Variants in MEMO1 observed in about 807,000 individuals in gnomAD.
MEMO1 encodes the protein mediator of cell motility 1.
In MEMO1, 6 loss-of-function variants were observed where a neutral mutation model predicts 45.2. That is an observed-to-expected ratio of 0.13 (90% CI 0.07 to 0.26). The LOEUF (loss-of-function observed/expected upper bound fraction) is 0.26. MEMO1 is among the 10% of genes least tolerant of loss of function. MEMO1 has a pLI of 1.00. For missense variants in MEMO1, 184 were observed against 370.5 expected, an observed-to-expected ratio of 0.50 and a Z score of 4.13; for synonymous variants, 78 against 124.3, an observed-to-expected ratio of 0.63 and a Z score of 2.48.
chr2:31,880,735 G>C (rs976925365), intron 8 of MEMO1, among the ~76,000 whole-genome samples: 7 of 152,288 alleles, frequency 4.6e-5, no homozygotes, highest in African/African-American at 1.7e-4. Flanking sequence ...TAGAGAGCAA[G>C]TTAGAGCTGT....
intron 2 of MEMO1, chr2:31,963,076 T>C: frequency 7.4e-7 from 1 of 1,360,258 alleles, no homozygotes; most frequent in Non-Finnish European, 9.6e-7. Context: ...ATACTGGCTC[T>C]TCCTAAGTCT....
At chr2:31,976,754 T>C (rs529177675) in intron 2 of MEMO1, among the ~76,000 whole-genome samples, 5 of 152,298 alleles carry the variant, frequency 3.3e-5, no homozygotes, top group East Asian at 1.9e-4. Flanking sequence ...GAGTCTTTCA[T>C]TTCCTGATGA....
At chr2:31,924,547 T>C (rs1284360898) in intron 4 of MEMO1, among the ~76,000 whole-genome samples, 1 of 152,004 alleles carries the variant, frequency 6.6e-6, no homozygotes, top group Non-Finnish European at 1.5e-5. Context: ...ATAGCTATAA[T>C]AGAGAATTCA....
At chr2:32,000,646 G>A (rs568154295) in intron 2 of MEMO1, among the ~76,000 whole-genome samples, 3 of 152,188 alleles carry the variant, frequency 2.0e-5, no homozygotes, top group Non-Finnish European at 2.9e-5. Flanking sequence ...GATTACAAGC[G>A]TGAGCCACCG....
Position 31,971,529 on chromosome 2 carries a change from C to A in MEMO1, c.62-28146G>T, listed in dbSNP as rs186872836. On this transcript the variant is annotated intron_variant, in intron 2 of 9. Coordinates refer to ENST00000404530, the MANE Select transcript of MEMO1 (RefSeq NM_001301833.4). ...ATAGGCATGAGTCCCCGTGCCCAGCCTAAACCCTTTATTTTTTATTATTAT... is the reference window on the plus strand; with the variant it reads ...ATAGGCATGAGTCCCCGTGCCCAGCATAAACCCTTTATTTTTTATTATTAT... Among the ~76,000 whole-genome samples, 5 of 152,228 alleles carry A rather than the reference C, an allele frequency of 3.3e-5. No individual in the cohort carries two copies. In the East Asian group the frequency reaches 9.6e-4, roughly 29 times the overall value.
intron 2 of MEMO1, among the ~76,000 whole-genome samples, chr2:31,948,701 T>A (rs1185112454): frequency 6.6e-6 from 1 of 152,128 alleles, no homozygotes; most frequent in East Asian, 1.9e-4. Context: ...CAGATTGAGA[T>A]CAGCTTGGCC....
intron 6 of MEMO1, among the ~76,000 whole-genome samples, chr2:31,901,470 C>T (rs1035945769): frequency 2.1e-5 from 3 of 146,222 alleles, no homozygotes; most frequent in Non-Finnish European, 4.5e-5. Flanking sequence ...GAAAAATAGA[C>T]TACATTTTGT....
intron 4 of MEMO1, among the ~76,000 whole-genome samples, chr2:31,930,884 C>G (rs1664085980): frequency 6.7e-6 from 1 of 149,866 alleles, no homozygotes; most frequent in Non-Finnish European, 1.5e-5. Context: ...GTCTCAAACT[C>G]CTGACCTCAG....
intron 8 of MEMO1, among the ~76,000 whole-genome samples, chr2:31,876,252 C>T (rs571395523): frequency 2.2e-4 from 34 of 152,158 alleles, no homozygotes; most frequent in Non-Finnish European, 4.0e-4. Flanking sequence ...GGTCTTTGCA[C>T]TGGCAACTTC....
At position 31,869,839 on chromosome 2, in the gene MEMO1, G is replaced by T; in HGVS notation, c.762+9C>A. On this transcript the variant is annotated intron_variant, in intron 9 of 9. Coordinates refer to ENST00000404530, the MANE Select transcript of MEMO1 (RefSeq NM_001301833.4). ...ATGTTAAAAGTCAAGGCTTCCTAAG[G>T]ATACTCACATTTAATAACACCCCAA... 2.6e-6 allele frequency: 4 copies of T among 1,568,384 alleles called. No homozygotes were observed. The highest frequency in any genetic ancestry group is 1.4e-5 in the African/African-American group (1 of 71,612).
At chr2:31,958,167 A>G (rs1029092679) in intron 2 of MEMO1, among the ~76,000 whole-genome samples, 3 of 152,046 alleles carry the variant, frequency 2.0e-5, no homozygotes, top group Non-Finnish European at 1.5e-5. Flanking sequence ...TTGATAAATT[A>G]GGGGGAAAAC....
At chr2:32,002,539 T>G (rs1320732085) in intron 2 of MEMO1, among the ~76,000 whole-genome samples, 1 of 152,006 alleles carries the variant, frequency 6.6e-6, no homozygotes, top group African/African-American at 2.4e-5. Context: ...TTCCCATACC[T>G]TCCTGCCCCT....
chr2:31,910,225 C>G (rs1680347674), intron 6 of MEMO1, among the ~76,000 whole-genome samples: 1 of 152,008 alleles, frequency 6.6e-6, no homozygotes, highest in South Asian at 2.1e-4. Context: ...GGGAGTTTGT[C>G]AATTTAGACA....
intron 2 of MEMO1, among the ~76,000 whole-genome samples, chr2:31,946,056 A>G (rs1666159586): frequency 6.6e-6 from 1 of 152,186 alleles, no homozygotes; most frequent in African/African-American, 2.4e-5. Context: ...TTAAAAACTG[A>G]AATTGTTTCC....
intron 2 of MEMO1, among the ~76,000 whole-genome samples, chr2:31,978,505 G>C (rs1371378876): frequency 2.6e-5 from 4 of 152,252 alleles, no homozygotes; most frequent in Admixed American, 6.5e-5. Flanking sequence ...GAGTGCAGTG[G>C]CATGATCATC....
intron 3 of MEMO1, among the ~76,000 whole-genome samples, chr2:31,934,612 A>G (rs138000901): frequency 1.3e-5 from 2 of 152,350 alleles, no homozygotes; most frequent in Admixed American, 1.3e-4. Context: ...CCAAGTACAT[A>G]AGGTAGATGA....
At chr2:31,889,833 TCTA>T (rs912474918) in intron 7 of MEMO1, among the ~76,000 whole-genome samples, 2 of 152,150 alleles carry the variant, frequency 1.3e-5, no homozygotes, top group Non-Finnish European at 2.9e-5. Context: ...CTTGAAAAGT[TCTA>T]CTACTTAAAC....
At chr2:32,010,348 G>A (rs1674717690) in intron 1 of MEMO1, 84 bp from the exon 2 acceptor site, 2 of 597,000 alleles carry the variant, frequency 3.4e-6, no homozygotes, top group South Asian at 2.1e-5. Context: ...CGCGGGCCCA[G>A]CCCAGGAGGA....
chr2:31,931,780 C>G (rs1314597642), intron 4 of MEMO1, among the ~76,000 whole-genome samples: 1 of 152,004 alleles, frequency 6.6e-6, no homozygotes, highest in Non-Finnish European at 1.5e-5. Context: ...CTTAAGAATG[C>G]TCATCTCTGG....
Sources: gnomAD v4.1 joint callset for allele counts (sites outside exome capture counted in the v4.1 genomes callset) on GRCh38, gnomAD v4.1.1 for gene constraint, MANE v1.5 for transcripts, NCBI Gene and HGNC (gene_info 2026-07-23, HGNC 2026-07-21) for gene names.